XKR9: variants seen among roughly 807,000 people sequenced by gnomAD.
XKR9 encodes XK-related protein 9.
A neutral mutation model predicts 32.0 loss-of-function variants in XKR9; 32 were observed. The observed-to-expected ratio is 1.00, with a 90% CI of 0.76 to 1.34. XKR9 has a LOEUF of 1.34. Among genes scored for constraint, XKR9 ranks in the 40% most tolerant of loss-of-function variants. The pLI is 0.00. For synonymous variants in XKR9, 168 were observed against 143.4 expected, an observed-to-expected ratio of 1.17 and a Z score of -1.22; for missense variants, 546 against 429.7, an observed-to-expected ratio of 1.27 and a Z score of -2.39.
the XKR9 span, among the ~76,000 whole-genome samples, chr8:70,971,920 T>G: frequency 1.3e-5 from 2 of 152,148 alleles, no homozygotes; most frequent in Admixed American, 1.3e-4. Context: ...TTCTTTTTGG[T>G]TAGTATTGCT....
intron 4 of XKR9, among the ~76,000 whole-genome samples, chr8:70,724,103 G>A (rs13267911): frequency 0.13 from 19,684 of 152,040 alleles, 1,671 homozygotes; most frequent in African/African-American, 0.24. Context: ...GGAATCTAGA[G>A]AGGCACTCTG....
At chr8:70,848,645 C>G in the XKR9 span, among the ~76,000 whole-genome samples, 3 of 150,628 alleles carry the variant, frequency 2.0e-5, no homozygotes, top group Non-Finnish European at 4.4e-5. Flanking sequence ...CACAGACTGG[C>G]AAATTGGATA....
the XKR9 span, among the ~76,000 whole-genome samples, chr8:70,803,487 G>C: frequency 1.3e-5 from 2 of 152,210 alleles, no homozygotes; most frequent in African/African-American, 4.8e-5. Context: ...TGGGGAACTA[G>C]TGCAATCATT....
the XKR9 span, among the ~76,000 whole-genome samples, chr8:70,932,967 G>A: frequency 6.6e-6 from 1 of 152,146 alleles, no homozygotes; most frequent in African/African-American, 2.4e-5. Flanking sequence ...ATATTTGTGT[G>A]TGTGAAAGTG....
chr8:70,903,586 C>A, the XKR9 span, among the ~76,000 whole-genome samples: 1 of 152,040 alleles, frequency 6.6e-6, no homozygotes, highest in African/African-American at 2.4e-5. Flanking sequence ...TTCAAAAAAC[C>A]AGCTCCTGGA....
chr8:70,937,516 A>G, the XKR9 span, among the ~76,000 whole-genome samples: 1 of 152,020 alleles, frequency 6.6e-6, no homozygotes, highest in Non-Finnish European at 1.5e-5. Flanking sequence ...TTTTGTTCTA[A>G]TCAAACAAAT....
At chr8:70,858,779 G>A in the XKR9 span, among the ~76,000 whole-genome samples, 1 of 152,054 alleles carries the variant, frequency 6.6e-6, no homozygotes, top group Non-Finnish European at 1.5e-5. Flanking sequence ...TTCAATAAAT[G>A]GTGCTGGGAA....
At chr8:71,017,248 G>T in the XKR9 span, among the ~76,000 whole-genome samples, 230 of 152,160 alleles carry the variant, frequency 1.5e-3, 1 homozygote, top group African/African-American at 5.3e-3. Context: ...TTGTGTAGAG[G>T]GTATCATTTA....
the XKR9 span, among the ~76,000 whole-genome samples, chr8:71,019,129 C>T: frequency 6.6e-6 from 1 of 151,760 alleles, no homozygotes; most frequent in African/African-American, 2.4e-5. Flanking sequence ...TACCTTCTTT[C>T]TTTCCTTCTC....
intron 2 of XKR9, among the ~76,000 whole-genome samples, chr8:70,754,992 G>A (rs1298526650): frequency 6.6e-6 from 1 of 151,544 alleles, no homozygotes; most frequent in Non-Finnish European, 1.5e-5. Context: ...CAAAATGGGA[G>A]AAAATTTTTG....
At chr8:70,933,577 T>G in the XKR9 span, among the ~76,000 whole-genome samples, 3 of 152,190 alleles carry the variant, frequency 2.0e-5, no homozygotes, top group East Asian at 5.8e-4. Context: ...TATATTCTCT[T>G]CCTTTTTCTT....
chr8:71,013,878 C>A, the XKR9 span, among the ~76,000 whole-genome samples: 1 of 152,086 alleles, frequency 6.6e-6, no homozygotes, highest in Non-Finnish European at 1.5e-5. Flanking sequence ...AGTGTTTATA[C>A]TTTCTAGGAG....
At position 70,754,326 on chromosome 8, in the gene XKR9, A is replaced by G. The variant is rs1163829476; in HGVS notation, n.353-35013A>G. The stretch of plus-strand genomic sequence containing the variant: ...GATAGGAAGAATCAATATCGTGAAA[A>G]TGGCCATACTGCCCAAGGTAATTTA... On this transcript the variant is annotated intron_variant and non_coding_transcript_variant, in intron 2 of 3. Transcript: ENST00000520273. Among the ~76,000 whole-genome samples, 12 of 143,996 alleles carry G rather than the reference A, an allele frequency of 8.3e-5. 1 individual carries two copies. The highest frequency in any genetic ancestry group is 1.8e-4 in the Non-Finnish European group (12 of 65,394). 94.5% of individuals were successfully genotyped at this position (143,996 alleles called of 152,430 possible).
At chr8:70,978,665 AC>A in the XKR9 span, among the ~76,000 whole-genome samples, 4 of 152,086 alleles carry the variant, frequency 2.6e-5, no homozygotes, top group African/African-American at 9.7e-5. Flanking sequence ...GCTGCCCTTA[AC>A]ATTTTGTCCT....
intron 3 of XKR9, among the ~76,000 whole-genome samples, chr8:70,700,712 A>G (rs557735764): frequency 1.3e-5 from 2 of 152,178 alleles, no homozygotes; most frequent in South Asian, 2.1e-4. Flanking sequence ...GCTCTCTTCA[A>G]AGCTGTCAGA....
rs2132091930 is a variant in XKR9, at chr8:70,671,447, A to G, written c.-361+1909A>G. Among the ~76,000 whole-genome samples the G allele has an allele frequency of 2.8e-5, 2 of 71,562 alleles. 1 individual carries two copies. Among genetic ancestry groups the G allele is most frequent in the Non-Finnish European group, 7.9e-5 (2 of 25,194 alleles). 46.9% of individuals were successfully genotyped at this position (71,562 alleles called of 152,430 possible). ...CGCTGCACCCACTAATGTGTCATCT[A>G]GCATTAGGTATATCTCCCAATGCTA... On this transcript the variant is annotated intron_variant, in intron 1 of 4. Transcript: ENST00000408926.
At chr8:70,824,814 AT>A in the XKR9 span, among the ~76,000 whole-genome samples, 1 of 152,056 alleles carries the variant, frequency 6.6e-6, no homozygotes, top group South Asian at 2.1e-4. Context: ...ATTGTGGTGT[AT>A]GGTCTTAGAT....
chr8:70,705,889 A>G (rs1218589898), intron 3 of XKR9, among the ~76,000 whole-genome samples: 5 of 152,150 alleles, frequency 3.3e-5, no homozygotes, highest in Non-Finnish European at 5.9e-5. Flanking sequence ...CAAGGGTGGT[A>G]GTAGTGGAAG....
intron 2 of XKR9, among the ~76,000 whole-genome samples, chr8:70,761,814 T>G (rs577493397): frequency 1.3e-5 from 2 of 152,300 alleles, no homozygotes; most frequent in South Asian, 4.1e-4. Flanking sequence ...CTTCTAGAGT[T>G]TTTAGAGTTT....
Sources: gnomAD v4.1 joint callset for allele counts (sites outside exome capture counted in the v4.1 genomes callset) on GRCh38, gnomAD v4.1.1 for gene constraint, MANE v1.5 for transcripts, NCBI Gene and HGNC (gene_info 2026-07-23, HGNC 2026-07-21) for gene names.